Variants in PXK observed in about 807,000 individuals in gnomAD.
PXK encodes the protein PX domain-containing protein kinase-like protein.
Under a neutral mutation model 84.7 loss-of-function variants are expected in PXK, and 35 were observed. The ratio of observed to expected loss-of-function variants is 0.41; its 90% CI spans 0.32 to 0.55. PXK has a LOEUF of 0.55. Ranked by LOEUF, PXK falls within the 20% of genes least tolerant of loss-of-function variation. The pLI is 0.21. For synonymous variants in PXK, 253 were observed against 260.8 expected, an observed-to-expected ratio of 0.97 and a Z score of 0.29; for missense variants, 634 against 699.7, an observed-to-expected ratio of 0.91 and a Z score of 1.06.
At chr3:58,384,193 T>C (rs1214283559) in intron 4 of PXK, among the ~76,000 whole-genome samples, 1 of 152,202 alleles carries the variant, frequency 6.6e-6, no homozygotes, top group East Asian at 1.9e-4. Context: ...ACCAGCAGCA[T>C]TGGCATCACT....
chr3:58,412,866 G>C lies in PXK; in HGVS notation c.1466-35G>C. ...GGCCAAATTCCAAATGTCTTTCGTT[G>C]GTCCCCATGAGGGTTTCTCTGTGTT... is the stretch of plus-strand genomic sequence containing the variant. On this transcript the variant is annotated intron_variant, in intron 16 of 17. Transcript: ENST00000356151. This position sits in a 1 kb window ranked among gnomAD's most constrained non-coding sequence, Gnocchi z 6.2. 1 of 1,609,798 alleles carries C rather than the reference G, an allele frequency of 6.2e-7. No homozygotes were observed. Among genetic ancestry groups the C allele is most frequent in the South Asian group, 1.1e-5 (1 of 90,962 alleles).
rs191679510 is a variant in PXK at position 58,389,974 on chromosome 3, G to C, written c.389-608G>C. Reference sequence around the variant, plus strand: ...AGATCGCACCATTGCACTCCAACCTGGGTAACAAGAGTGAAACTCCGTCTC... The same window carrying C: ...AGATCGCACCATTGCACTCCAACCTCGGTAACAAGAGTGAAACTCCGTCTC... On this transcript the variant is annotated intron_variant, in intron 4 of 17. Transcript: ENST00000356151. 8.6e-4 allele frequency among the ~76,000 whole-genome samples: 120 copies of C among 138,836 alleles called. 5 individuals carry two copies. In the East Asian group the frequency reaches 0.023, roughly 26 times the overall value. 91.1% of individuals were successfully genotyped at this position (138,836 alleles called of 152,430 possible).
rs758952592 is a variant in PXK, at chr3:58,424,815, C to T, written c.1592C>T (p.Ala531Val). 6.2e-6 allele frequency: 10 copies of T among 1,614,020 alleles called. No homozygotes were observed. The highest frequency in any genetic ancestry group is 2.7e-5 in the African/African-American group (2 of 74,904). ...CCACCAGCAGCTCCCTTGCCTCCTGCGAGCACCGAGGCACCTGCCCAGCTC... is the reference window on the plus strand; with the variant it reads ...CCACCAGCAGCTCCCTTGCCTCCTGTGAGCACCGAGGCACCTGCCCAGCTC... The part of the protein sequence containing the change: ...PPPPAAPLPP[A>V]STEAPAQLSS... The change falls in exon 18 of 18, where the codon GCG (alanine) becomes GTG (valine). Residue 531 changes from alanine (A) to valine (V), a missense_variant. Ala to Val is a moderately conservative substitution (Grantham distance 64). This residue lies in a region of PXK where 273 missense variants were observed against 283.6 expected (regional missense o/e 0.96). Coordinates refer to ENST00000356151, the MANE Select transcript of PXK (RefSeq NM_017771.5).
chr3:58,373,501 C>T (rs969216696), intron 3 of PXK, among the ~76,000 whole-genome samples: 6 of 152,136 alleles, frequency 3.9e-5, no homozygotes, highest in African/African-American at 1.4e-4. Flanking sequence ...CATTGTTGAC[C>T]TTGGAGAGAC....
At chr3:58,372,362 G>A (rs970827952) in intron 3 of PXK, among the ~76,000 whole-genome samples, 5 of 151,284 alleles carry the variant, frequency 3.3e-5, no homozygotes, top group South Asian at 2.1e-4. Flanking sequence ...TCACTCTGTC[G>A]CCCAGGCTGG....
Position 58,391,195 on chromosome 3 carries a change from C to G in PXK, c.515C>G (p.Pro172Arg), listed in dbSNP as rs777193777. The G allele has an allele frequency of 2.5e-6, 4 of 1,613,650 alleles. No homozygotes were observed. The highest frequency in any genetic ancestry group is 3.4e-6 in the Non-Finnish European group (4 of 1,179,720). The change falls in exon 6 of 18, where the codon CCA becomes CGA. Residue 172 changes from proline (P) to arginine (R), a missense_variant. By Grantham distance (103) the Pro-to-Arg change is moderately radical. This residue lies in a region of PXK where 353 missense variants were observed against 385.2 expected (regional missense o/e 0.92). Coordinates refer to ENST00000356151, the MANE Select transcript of PXK (RefSeq NM_017771.5). ...TTCTTGATGAAGATTAAAAATCAGCCAAAGGAACGGCTAGTGTTAAGCTGG... is the reference window on the plus strand; with the variant it reads ...TTCTTGATGAAGATTAAAAATCAGCGAAAGGAACGGCTAGTGTTAAGCTGG... Reference protein sequence around the residue: ...KYFLMKIKNQPKERLVLSWAD... With the variant: ...KYFLMKIKNQRKERLVLSWAD...
intron 17 of PXK, 35 bp from the exon 18 acceptor site, chr3:58,424,717 A>T: frequency 6.2e-7 from 1 of 1,603,046 alleles, no homozygotes; most frequent in South Asian, 1.1e-5. Context: ...GCAGCTGTGG[A>T]GGTGAATACT....
At chr3:58,406,997 G>A (rs1218467232) in intron 13 of PXK, among the ~76,000 whole-genome samples, 1 of 152,064 alleles carries the variant, frequency 6.6e-6, no homozygotes, top group African/African-American at 2.4e-5. Flanking sequence ...CCTCTTGTCT[G>A]TCATGAATAA....
At chr3:58,368,788 A>G (rs908889615) in intron 2 of PXK, among the ~76,000 whole-genome samples, 1 of 152,262 alleles carries the variant, frequency 6.6e-6, no homozygotes, top group African/African-American at 2.4e-5. Flanking sequence ...AAGTCAAACT[A>G]TTCAAACCAA....
intron 1 of PXK, among the ~76,000 whole-genome samples, chr3:58,352,295 C>G (rs577920183): frequency 1.3e-5 from 2 of 152,310 alleles, no homozygotes; most frequent in South Asian, 4.1e-4. Flanking sequence ...GCTTCAGTCT[C>G]CAGCAGGTAC....
chr3:58,411,167 G>A lies in PXK; in HGVS notation c.1465+1008G>A, dbSNP rs891692848. On this transcript the variant is annotated intron_variant, in intron 16 of 17. Transcript: ENST00000356151. The surrounding 1 kb of genome is among the most constrained non-coding windows in gnomAD (Gnocchi z 4.2). ...TCTCAGTGAAGTCAGGGAGGAGAAT[G>A]TCTGCCTGGGGCGGGAGGAGAAAAG... is the stretch of plus-strand genomic sequence containing the variant. Among the ~76,000 whole-genome samples, 4 of 152,234 alleles carry A rather than the reference G, an allele frequency of 2.6e-5. No homozygotes were observed. The highest frequency in any genetic ancestry group is 5.9e-5 in the Non-Finnish European group (4 of 68,044).
intron 12 of PXK, 68 bp from the exon 13 acceptor site, chr3:58,403,794 T>A: frequency 1.9e-6 from 2 of 1,053,730 alleles, no homozygotes; most frequent in East Asian, 2.5e-5. Context: ...TGTCTTAATC[T>A]GCTTTCATCC....
chr3:58,387,943 C>T (rs2098575599), intron 4 of PXK, among the ~76,000 whole-genome samples: 2 of 152,094 alleles, frequency 1.3e-5, no homozygotes, highest in Admixed American at 6.6e-5. Flanking sequence ...AGAGAGACCC[C>T]ACACACTGTG....
chr3:58,373,109 C>G (rs574001486), intron 3 of PXK, among the ~76,000 whole-genome samples: 2 of 142,364 alleles, frequency 1.4e-5, no homozygotes, highest in Non-Finnish European at 3.1e-5. Context: ...GAGACGTAGT[C>G]GCTCTGTCGC....
chr3:58,409,998 C>A lies in PXK; in HGVS notation c.1396-92C>A. ...TGTCTGCAGCTAGTTTAATGGTATG[C>A]CTGGAAAATATTTTTATTCTAACTC... is the stretch of plus-strand genomic sequence containing the variant. On this transcript the variant is annotated intron_variant, in intron 15 of 17. Transcript: ENST00000356151. This position sits in a 1 kb window ranked among gnomAD's most constrained non-coding sequence, Gnocchi z 4.2. The A allele has an allele frequency of 2.5e-6, 2 of 795,714 alleles. No homozygotes were observed. Among genetic ancestry groups the A allele is most frequent in the Middle Eastern group, 2.3e-4 (1 of 4,360 alleles). 49.3% of individuals were successfully genotyped at this position (795,714 alleles called of 1,614,324 possible).
rs138800867 is a variant in PXK, at chr3:58,397,104, C to G, written c.888C>G (p.Leu296=). Residue 296 remains leucine, a synonymous_variant, in exon 10 of 18, where the codon CTC becomes CTG. Transcript: ENST00000356151. The surrounding 1 kb of genome is among the most constrained non-coding windows in gnomAD (Gnocchi z 4.7). The part of the protein sequence containing the change: ...YGHLHASNVM[L]DGDTCRLLDL... The stretch of plus-strand genomic sequence containing the variant: ...ATCTTCACGCCTCCAATGTGATGCT[C>G]GATGGGGACACTTGCCGGCTGCTGG... 7 of 1,614,130 alleles carry G rather than the reference C, an allele frequency of 4.3e-6. No homozygotes were observed. Among genetic ancestry groups the G allele is most frequent in the Non-Finnish European group, 5.9e-6 (7 of 1,179,996 alleles).
At position 58,421,473 on chromosome 3, in the gene PXK, C is replaced by A; in HGVS notation, c.1529-3279C>A. On this transcript the variant is annotated intron_variant, in intron 17 of 17. Transcript: ENST00000356151. This position sits in a 1 kb window ranked among gnomAD's most constrained non-coding sequence, Gnocchi z 5.5. ...CCACGCGCCTGTAATCCCAGCTACTCGGGAGGCTGAGGCAGAGAATCACTT... is the reference window on the plus strand; with the variant it reads ...CCACGCGCCTGTAATCCCAGCTACTAGGGAGGCTGAGGCAGAGAATCACTT... 1.3e-6 allele frequency: 1 copy of A among 798,062 alleles called. No homozygotes were observed. The highest frequency in any genetic ancestry group is 5.7e-5 in the South Asian group (1 of 17,562). 49.4% of individuals were successfully genotyped at this position (798,062 alleles called of 1,614,324 possible).
At position 58,379,090 on chromosome 3, in the gene PXK, T is replaced by C. The variant is rs1466638724; in HGVS notation, c.202-3424T>C. Reference sequence around the variant, plus strand: ...GGCACCCACCACCTTGCCTGCCTAATTTTTGTGTGTTTAGTAGAGACGGAG... The same window carrying C: ...GGCACCCACCACCTTGCCTGCCTAACTTTTGTGTGTTTAGTAGAGACGGAG... On this transcript the variant is annotated intron_variant, in intron 3 of 17. Transcript: ENST00000356151. This position sits in a 1 kb window ranked among gnomAD's most constrained non-coding sequence, Gnocchi z 5.1. 2.0e-5 allele frequency: 3 copies of C among 152,160 alleles called. No homozygotes were observed. Among genetic ancestry groups the C allele is most frequent in the Non-Finnish European group, 4.4e-5 (3 of 68,066 alleles). The allele number at this position is 152,160 out of a possible 1,614,324, so 9.4% of individuals were successfully genotyped here. A position where few individuals can be genotyped will look rare whatever the true frequency, so the allele number is the denominator to read the frequency against.
Position 58,400,506 on chromosome 3 carries a change from C to T in PXK, c.1181+1129C>T, listed in dbSNP as rs569472302. On this transcript the variant is annotated intron_variant, in intron 12 of 17. Transcript: ENST00000356151. The surrounding 1 kb of genome is among the most constrained non-coding windows in gnomAD (Gnocchi z 4.0). ...GGGCCTTCTGGAGGCCAGCTGCTGTCCTAGGCACTGTAATGAAAAGAGGAA... is the reference window on the plus strand; with the variant it reads ...GGGCCTTCTGGAGGCCAGCTGCTGTTCTAGGCACTGTAATGAAAAGAGGAA... 2.6e-4 allele frequency among the ~76,000 whole-genome samples: 40 copies of T among 152,180 alleles called. No homozygotes were observed. The highest frequency in any genetic ancestry group is 5.4e-4 in the Non-Finnish European group (37 of 68,036).
Sources: gnomAD v4.1 joint callset for allele counts (sites outside exome capture counted in the v4.1 genomes callset) on GRCh38, gnomAD v4.1.1 for gene constraint, gnomAD v4.1.1 regional missense constraint, Gnocchi (gnomAD v3.1) non-coding constraint, MANE v1.5 for transcripts, NCBI Gene and HGNC (gene_info 2026-07-23, HGNC 2026-07-21) for gene names.